Variants in ESR1 observed in about 807,000 individuals in gnomAD.
The protein encoded by ESR1 is estrogen receptor 1.
Under a neutral mutation model 52.7 loss-of-function variants are expected in ESR1, and 12 were observed. The observed-to-expected ratio is 0.23, with a 90% CI of 0.15 to 0.37. The LOEUF is 0.37. Ranked by LOEUF, ESR1 falls within the 10% of genes least tolerant of loss-of-function variation. The probability of loss-of-function intolerance (pLI) is 1.00; values close to 1 mark genes in which losing one functional copy is unlikely to be tolerated. For synonymous variants in ESR1, 305 were observed against 316.8 expected (o/e 0.96, Z 0.39); for missense variants, 584 against 779.7 (o/e 0.75, Z 2.99).
At chr6:151,821,813 C>G (rs1780597927) in intron 1 of ESR1, among the ~76,000 whole-genome samples, 1 of 152,170 alleles carries the variant, frequency 6.6e-6, no homozygotes, top group Non-Finnish European at 1.5e-5. Context: ...AGACTAATGA[C>G]TAAGCCCGAT....
intron 3 of ESR1, among the ~76,000 whole-genome samples, chr6:151,890,233 C>T (rs1268789261): frequency 6.6e-6 from 1 of 151,964 alleles, no homozygotes; most frequent in Non-Finnish European, 1.5e-5. Context: ...TACAGGAGCA[C>T]ACCGCCATGC....
intron 6 of ESR1, among the ~76,000 whole-genome samples, chr6:152,122,912 GGTTCAAA>G (rs2051848400): frequency 6.6e-6 from 1 of 152,060 alleles, no homozygotes; most frequent in African/African-American, 2.4e-5. Flanking sequence ...TAAGTAATTA[GGTTCAAA>G]TTCTACTCCT....
At chr6:152,084,362 G>C (rs1477443172) in intron 6 of ESR1, among the ~76,000 whole-genome samples, 1 of 151,438 alleles carries the variant, frequency 6.6e-6, no homozygotes, top group Non-Finnish European at 1.5e-5. Context: ...CATGGCACAT[G>C]TATACCTATG....
intron 4 of ESR1, among the ~76,000 whole-genome samples, chr6:152,008,862 A>G (rs1287173052): frequency 6.6e-6 from 1 of 152,086 alleles, no homozygotes; most frequent in Non-Finnish European, 1.5e-5. Flanking sequence ...ACTTAACCTA[A>G]AAAATTGGGG....
intron 1 of ESR1, among the ~76,000 whole-genome samples, chr6:151,830,008 G>T (rs568917372): frequency 1.3e-5 from 2 of 152,330 alleles, no homozygotes; most frequent in Admixed American, 6.5e-5. Context: ...ACATGTGTGT[G>T]TGTGGAATTT....
intron 5 of ESR1, among the ~76,000 whole-genome samples, chr6:152,029,509 G>T (rs1462775233): frequency 1.3e-5 from 2 of 152,234 alleles, no homozygotes; most frequent in Non-Finnish European, 2.9e-5. Context: ...AGCTTCAGTA[G>T]CTGATTCAAT....
intron 2 of ESR1, among the ~76,000 whole-genome samples, chr6:151,793,844 C>G (rs553384877): frequency 2.6e-5 from 4 of 152,346 alleles, no homozygotes; most frequent in African/African-American, 9.6e-5. Flanking sequence ...TTCAAAGTGA[C>G]ATATCCTGTA....
intron 2 of ESR1, among the ~76,000 whole-genome samples, chr6:151,850,423 G>C (rs1786441256): frequency 6.6e-6 from 1 of 150,726 alleles, no homozygotes; most frequent in South Asian, 2.1e-4. Flanking sequence ...AGGAGAGAGA[G>C]GGAGGAGAGA....
intron 6 of ESR1, among the ~76,000 whole-genome samples, chr6:152,090,394 T>A (rs1174375939): frequency 6.6e-6 from 1 of 152,224 alleles, no homozygotes; most frequent in Non-Finnish European, 1.5e-5. Flanking sequence ...TGCTGTCACA[T>A]CCTTCCTTTG....
chr6:151,967,055 G>A (rs1450371211), intron 4 of ESR1, among the ~76,000 whole-genome samples: 3 of 152,138 alleles, frequency 2.0e-5, no homozygotes, highest in African/African-American at 7.2e-5. Flanking sequence ...AGGCTATGAA[G>A]GGGGAAGAAT....
chr6:151,782,252 C>G (rs1715848016), intron 2 of ESR1, among the ~76,000 whole-genome samples: 1 of 151,886 alleles, frequency 6.6e-6, no homozygotes, highest in Non-Finnish European at 1.5e-5. Context: ...ATTTATGAAA[C>G]TAATGTATCA....
At chr6:151,657,992 T>G (rs903961610) in intron 1 of ESR1, among the ~76,000 whole-genome samples, 1 of 152,212 alleles carries the variant, frequency 6.6e-6, no homozygotes, top group Non-Finnish European at 1.5e-5. Context: ...CAAAAAACAT[T>G]GGAAAATTTT....
intron 6 of ESR1, among the ~76,000 whole-genome samples, chr6:152,069,363 T>C (rs145704810): frequency 1.5e-5 from 2 of 136,458 alleles, no homozygotes; most frequent in African/African-American, 3.3e-5. Flanking sequence ...AGTGAACCCA[T>C]TGGAATGCAG....
intron 4 of ESR1, among the ~76,000 whole-genome samples, chr6:151,985,016 A>T (rs561594785): frequency 3.3e-5 from 5 of 152,090 alleles, no homozygotes; most frequent in Admixed American, 6.6e-5. Context: ...TTCCCGTTTC[A>T]TGGAGTTGAT....
chr6:152,082,509 C>A (rs10872682), intron 6 of ESR1, among the ~76,000 whole-genome samples: 4 of 152,020 alleles, frequency 2.6e-5, no homozygotes, highest in African/African-American at 9.7e-5. Flanking sequence ...CAATATCATA[C>A]TGAATGGGCA....
Position 152,094,319 on chromosome 6 carries a change from A to G in ESR1, c.1370-66A>G. 2.9e-6 allele frequency: 4 copies of G among 1,394,490 alleles called. No individual in the cohort carries two copies. Among genetic ancestry groups the G allele is most frequent in the Non-Finnish European group, 4.1e-6 (4 of 980,502 alleles). The allele number at this position is 1,394,490 out of a possible 1,614,324, so 86.4% of individuals were successfully genotyped here. A position where few individuals can be genotyped will look rare whatever the true frequency, so the allele number is the denominator to read the frequency against. On this transcript the variant is annotated intron_variant, in intron 6 of 7. Coordinates refer to ENST00000206249, the MANE Select transcript of ESR1 (RefSeq NM_000125.4). The surrounding 1 kb of genome is among the most constrained non-coding windows in gnomAD (Gnocchi z 4.6). ...TGGCTCATTGTTACATCCCATGAACACTCTGGGTCTCCTAGACCTCATCCT... is the reference window on the plus strand; with the variant it reads ...TGGCTCATTGTTACATCCCATGAACGCTCTGGGTCTCCTAGACCTCATCCT...
chr6:151,685,380 G>A (rs71575906), intron 1 of ESR1, among the ~76,000 whole-genome samples: 13 of 151,794 alleles, frequency 8.6e-5, no homozygotes, highest in Non-Finnish European at 1.6e-4. Flanking sequence ...TGATCCACCC[G>A]CCTCGGCCTC....
intron 6 of ESR1, among the ~76,000 whole-genome samples, chr6:152,087,167 G>A (rs575601045): frequency 6.6e-6 from 1 of 152,060 alleles, no homozygotes; most frequent in Non-Finnish European, 1.5e-5. Context: ...CGAATGAATG[G>A]ATAGCATGAT....
rs968464861 is a variant in ESR1 at position 151,938,029 on chromosome 6, C to T, written c.761-6144C>T. Among the ~76,000 whole-genome samples, 7 of 152,136 alleles carry T rather than the reference C, an allele frequency of 4.6e-5. No individual in the cohort carries two copies. The East Asian group carries it at 1.2e-3, about 25-fold the overall frequency. ...TTCATTCTTAATGAATTAGCACTCC[C>T]GTTTTCTTTAACATGTTGAATTTAA... On this transcript the variant is annotated intron_variant, in intron 3 of 7. Coordinates refer to ENST00000206249, the MANE Select transcript of ESR1 (RefSeq NM_000125.4).
Sources: gnomAD v4.1 joint callset for allele counts (sites outside exome capture counted in the v4.1 genomes callset) on GRCh38, gnomAD v4.1.1 for gene constraint, Gnocchi (gnomAD v3.1) non-coding constraint, MANE v1.5 for transcripts, NCBI Gene and HGNC (gene_info 2026-07-23, HGNC 2026-07-21) for gene names.